Variants in NFIB observed in about 807,000 individuals in gnomAD.
NFIB encodes nuclear factor I B.
Under a neutral mutation model 61.5 loss-of-function variants are expected in NFIB, and 11 were observed. That is an observed-to-expected ratio of 0.18 (90% CI 0.11 to 0.30). The LOEUF (loss-of-function observed/expected upper bound fraction) is 0.30, where lower values mean the gene tolerates loss of function less well. Among genes scored for constraint, NFIB ranks in the 10% least tolerant of loss-of-function variants. The pLI is 1.00. For missense variants in NFIB, 471 were observed against 608.9 expected (o/e 0.77, Z 2.38); for synonymous variants, 260 against 216.5 (o/e 1.20, Z -1.76).
chr9:14,183,243 T>C (rs2382446), intron 2 of NFIB, among the ~76,000 whole-genome samples: 151,328 of 152,056 alleles, frequency 1, 75,306 homozygotes, highest in Middle Eastern at 1. Flanking sequence ...AAGGGAGGAG[T>C]CCACTGCTCT....
the NFIB span, among the ~76,000 whole-genome samples, chr9:14,434,166 C>A: frequency 6.6e-6 from 1 of 152,118 alleles, no homozygotes; most frequent in Non-Finnish European, 1.5e-5. Flanking sequence ...TTTAGAGGAA[C>A]AATAATAAAT....
intron 2 of NFIB, chr9:14,204,428 A>G: frequency 8.7e-7 from 1 of 1,145,730 alleles, no homozygotes; most frequent in South Asian, 1.2e-5. Flanking sequence ...GCCCCGCTAT[A>G]GCAGGTTGCA....
At chr9:14,294,235 G>A (rs1409883336) in intron 2 of NFIB, among the ~76,000 whole-genome samples, 1 of 152,162 alleles carries the variant, frequency 6.6e-6, no homozygotes, top group Non-Finnish European at 1.5e-5. Context: ...TTTGGAGACT[G>A]TAAATAGAAC....
At chr9:14,207,729 A>C (rs73645011) in intron 2 of NFIB, among the ~76,000 whole-genome samples, 1 of 152,120 alleles carries the variant, frequency 6.6e-6, no homozygotes. Context: ...AATTTCTCCC[A>C]CGTGTCATTT....
the NFIB span, among the ~76,000 whole-genome samples, chr9:14,477,509 A>C: frequency 5.9e-5 from 9 of 152,158 alleles, no homozygotes; most frequent in Admixed American, 5.9e-4. Context: ...CCGAGTAATA[A>C]TTGAGGAGTA....
the NFIB span, among the ~76,000 whole-genome samples, chr9:14,432,536 A>G: frequency 6.6e-6 from 1 of 152,254 alleles, no homozygotes; most frequent in Admixed American, 6.5e-5. Context: ...ATAACCATAG[A>G]TGGGCTTATT....
chr9:14,392,257 T>C (rs1194618911), intron 1 of NFIB, among the ~76,000 whole-genome samples: 2 of 152,116 alleles, frequency 1.3e-5, no homozygotes, highest in Non-Finnish European at 2.9e-5. Context: ...AATGAAGAAA[T>C]TTGAATATAG....
chr9:14,404,960 C>G, the NFIB span, among the ~76,000 whole-genome samples: 5 of 152,132 alleles, frequency 3.3e-5, no homozygotes, highest in East Asian at 7.7e-4. Flanking sequence ...GAAGAGACTC[C>G]GTGTAGTTTT....
chr9:14,105,445 C>A (rs907314469), intron 10 of NFIB, among the ~76,000 whole-genome samples: 6 of 152,060 alleles, frequency 3.9e-5, no homozygotes, highest in African/African-American at 1.4e-4. Context: ...ACTACCATTA[C>A]AACATTTCTT....
intron 2 of NFIB, among the ~76,000 whole-genome samples, chr9:14,244,928 T>G (rs7854519): frequency 6.6e-6 from 1 of 152,202 alleles, no homozygotes; most frequent in African/African-American, 2.4e-5. Context: ...TTCCATGACA[T>G]TGGGGTGTCC....
chr9:14,328,505 T>A (rs1180950332), intron 1 of NFIB, among the ~76,000 whole-genome samples: 1 of 151,948 alleles, frequency 6.6e-6, no homozygotes, highest in African/African-American at 2.4e-5. Flanking sequence ...TTTTTTTTGG[T>A]TATATGAACA....
chr9:14,422,088 TAGCTC>T, the NFIB span, among the ~76,000 whole-genome samples: 1 of 152,204 alleles, frequency 6.6e-6, no homozygotes, highest in African/African-American at 2.4e-5. Flanking sequence ...AGGCTAGTGT[TAGCTC>T]AGTTAGTGAG....
the NFIB span, among the ~76,000 whole-genome samples, chr9:14,490,595 C>T: frequency 6.6e-6 from 1 of 151,862 alleles, no homozygotes; most frequent in Non-Finnish European, 1.5e-5. Context: ...AACAGTTCCA[C>T]AACTCAATAA....
At chr9:14,473,255 T>A in the NFIB span, among the ~76,000 whole-genome samples, 1 of 152,198 alleles carries the variant, frequency 6.6e-6, no homozygotes, top group East Asian at 1.9e-4. Context: ...ATGTTATACA[T>A]ACAACCTTTT....
At chr9:14,496,301 A>G in the NFIB span, among the ~76,000 whole-genome samples, 1 of 152,206 alleles carries the variant, frequency 6.6e-6, no homozygotes, top group African/African-American at 2.4e-5. Flanking sequence ...CATAACCTGA[A>G]GTTAATTTTA....
At chr9:14,371,000 C>T (rs891304944) in intron 1 of NFIB, among the ~76,000 whole-genome samples, 1 of 152,156 alleles carries the variant, frequency 6.6e-6, no homozygotes, top group African/African-American at 2.4e-5. Context: ...GAGGCTGAGG[C>T]AGGAGAATCA....
At chr9:14,384,416 G>T (rs144458773) in intron 1 of NFIB, among the ~76,000 whole-genome samples, 341 of 152,310 alleles carry the variant, frequency 2.2e-3, no homozygotes, top group Non-Finnish European at 4.0e-3. Context: ...ATACTTGATA[G>T]CTCAGCCTCA....
chr9:14,439,551 A>G, the NFIB span, among the ~76,000 whole-genome samples: 1 of 152,228 alleles, frequency 6.6e-6, no homozygotes, highest in Non-Finnish European at 1.5e-5. Context: ...AATATTAGCT[A>G]TACTTTGGCC....
chr9:14,457,091 T>C, the NFIB span, among the ~76,000 whole-genome samples: 2 of 152,276 alleles, frequency 1.3e-5, no homozygotes, highest in Non-Finnish European at 2.9e-5. Context: ...AAGGGCAATG[T>C]GTACTGTATG....
Sources: allele counts gnomAD v4.1 joint callset (sites outside exome capture counted in the v4.1 genomes callset), GRCh38; gene constraint gnomAD v4.1.1; transcripts MANE v1.5; gene names NCBI Gene and HGNC (gene_info 2026-07-23, HGNC 2026-07-21).